Variants in CTIF observed in about 807,000 individuals in gnomAD.
CTIF encodes the protein CBP80/20-dependent translation initiation factor.
In CTIF, 21 loss-of-function variants were observed where a neutral mutation model predicts 66.0. The observed-to-expected ratio is 0.32, with a 90% CI of 0.23 to 0.46. The LOEUF (loss-of-function observed/expected upper bound fraction) is 0.46, where lower values mean the gene tolerates loss of function less well. CTIF is among the 20% of genes least tolerant of loss of function. The pLI, the probability that CTIF is intolerant of heterozygous loss-of-function variation, is 1.00. For synonymous variants in CTIF, 345 were observed against 326.4 expected, an observed-to-expected ratio of 1.06 and a Z score of -0.62; for missense variants, 739 against 812.7, an observed-to-expected ratio of 0.91 and a Z score of 1.10.
At chr18:48,561,119 A>T (rs1423780838) in intron 1 of CTIF, among the ~76,000 whole-genome samples, 1 of 151,518 alleles carries the variant, frequency 6.6e-6, no homozygotes, top group Non-Finnish European at 1.5e-5. Context: ...CATGCTAGTA[A>T]TCCCAGCTAC....
At chr18:48,846,405 C>T (rs1412189422) in intron 10 of CTIF, among the ~76,000 whole-genome samples, 1 of 152,148 alleles carries the variant, frequency 6.6e-6, no homozygotes, top group African/African-American at 2.4e-5. Flanking sequence ...ACTTACGTAG[C>T]ATTTAACACA....
At chr18:48,854,283 C>CT (rs1004880892) in intron 10 of CTIF, among the ~76,000 whole-genome samples, 173 of 152,226 alleles carry the variant, frequency 1.1e-3, no homozygotes, top group African/African-American at 4.0e-3. Context: ...CGAGGAACAG[C>CT]TGGGAAGTGA....
intron 6 of CTIF, among the ~76,000 whole-genome samples, chr18:48,706,785 G>A (rs1175233485): frequency 2.6e-5 from 4 of 152,176 alleles, no homozygotes; most frequent in South Asian, 2.1e-4. Context: ...GTATGTGCAC[G>A]TGTGTGTTCC....
chr18:48,847,676 T>C (rs1332747515), intron 10 of CTIF, among the ~76,000 whole-genome samples: 1 of 152,224 alleles, frequency 6.6e-6, no homozygotes, highest in Non-Finnish European at 1.5e-5. Flanking sequence ...TTTGCACTTA[T>C]CAAAGCTCTT....
In CTIF at chr18:48,859,817, G is replaced by A. The variant is rs2146693976; in HGVS notation, c.*258G>A. On this transcript the variant is annotated 3_prime_UTR_variant, in exon 12 of 12. Coordinates refer to ENST00000256413, the MANE Select transcript of CTIF (RefSeq NM_014772.3). ...CATGTTTCTTTTTCCTGGTGGCCCT[G>A]GCCCTCCCCTTCCTCACTCCCGCCT... The A allele has an allele frequency of 1.5e-6, 1 of 647,650 alleles. No homozygotes were observed. Among genetic ancestry groups the A allele is most frequent in the South Asian group, 1.5e-5 (1 of 66,280 alleles). 40.1% of individuals were successfully genotyped at this position (647,650 alleles called of 1,614,324 possible).
At chr18:48,730,041 G>A (rs1268718490) in intron 7 of CTIF, among the ~76,000 whole-genome samples, 1 of 152,218 alleles carries the variant, frequency 6.6e-6, no homozygotes, top group Non-Finnish European at 1.5e-5. Flanking sequence ...GTCCACAGCT[G>A]TGCTGCCCAG....
At chr18:48,800,177 C>A (rs996678459) in intron 9 of CTIF, among the ~76,000 whole-genome samples, 5 of 152,198 alleles carry the variant, frequency 3.3e-5, no homozygotes, top group African/African-American at 7.2e-5. Flanking sequence ...TTTTCTTCCC[C>A]ACTCTACCAG....
intron 3 of CTIF, among the ~76,000 whole-genome samples, chr18:48,648,601 A>G (rs1477364571): frequency 1.3e-5 from 2 of 151,870 alleles, no homozygotes. Context: ...CTCTCTGAGA[A>G]GATTCAACCA....
chr18:48,625,035 A>C (rs1174584718), intron 2 of CTIF, among the ~76,000 whole-genome samples: 2 of 152,132 alleles, frequency 1.3e-5, no homozygotes, highest in African/African-American at 4.8e-5. Context: ...GATCGGCTCA[A>C]TGGCTTTTCC....
chr18:48,651,245 G>A (rs995222701), intron 3 of CTIF, among the ~76,000 whole-genome samples: 1 of 152,180 alleles, frequency 6.6e-6, no homozygotes, highest in African/African-American at 2.4e-5. Flanking sequence ...GTATTCAGGA[G>A]ACCCATCTCA....
At chr18:48,724,685 T>G (rs2092370870) in intron 7 of CTIF, among the ~76,000 whole-genome samples, 1 of 152,188 alleles carries the variant, frequency 6.6e-6, no homozygotes, top group Admixed American at 6.5e-5. Flanking sequence ...GTGTGTGAGC[T>G]CCTGGGCTCA....
chr18:48,614,751 A>G (rs1309225343), intron 1 of CTIF, among the ~76,000 whole-genome samples: 1 of 152,202 alleles, frequency 6.6e-6, no homozygotes, highest in Non-Finnish European at 1.5e-5. Context: ...AAGTTCTGGA[A>G]ATAGATAGTG....
At chr18:48,565,550 T>C (rs2089261524) in intron 1 of CTIF, 1 of 152,108 alleles carries the variant, frequency 6.6e-6, no homozygotes, top group Non-Finnish European at 1.5e-5. Context: ...ACCCTCCATC[T>C]TATGTTCTTT....
intron 9 of CTIF, among the ~76,000 whole-genome samples, chr18:48,783,111 A>C (rs1397937862): frequency 6.6e-6 from 1 of 152,160 alleles, no homozygotes; most frequent in East Asian, 1.9e-4. Flanking sequence ...TATCTGGGAA[A>C]GGCTGATGTC....
intron 9 of CTIF, among the ~76,000 whole-genome samples, chr18:48,779,964 A>G (rs1427527955): frequency 6.6e-6 from 1 of 152,186 alleles, no homozygotes; most frequent in Non-Finnish European, 1.5e-5. Flanking sequence ...CACCATCTGC[A>G]TGCAGCCCCG....
intron 1 of CTIF, among the ~76,000 whole-genome samples, chr18:48,615,435 G>A (rs933906509): frequency 3.9e-5 from 6 of 152,220 alleles, no homozygotes; most frequent in African/African-American, 1.4e-4. Flanking sequence ...CCCCGCTGCG[G>A]AACAGGGAAG....
At chr18:48,692,308 AAAACAAAAAC>A (rs1302212535) in intron 6 of CTIF, among the ~76,000 whole-genome samples, 1 of 136,462 alleles carries the variant, frequency 7.3e-6, no homozygotes, top group East Asian at 1.9e-4. Flanking sequence ...CAAAAAAACA[AAAACAAAAAC>A]AAAACAAAAA....
intron 7 of CTIF, among the ~76,000 whole-genome samples, chr18:48,712,901 C>T (rs547452526): frequency 3.9e-5 from 6 of 152,348 alleles, no homozygotes; most frequent in African/African-American, 1.4e-4. Context: ...AACACATTCA[C>T]AGAGGATGGC....
intron 1 of CTIF, among the ~76,000 whole-genome samples, chr18:48,594,205 C>T (rs2089947623): frequency 6.6e-6 from 1 of 152,134 alleles, no homozygotes; most frequent in Non-Finnish European, 1.5e-5. Context: ...GCTTCCTGAG[C>T]CTGCACCCCA....
Sources: allele counts gnomAD v4.1 joint callset (sites outside exome capture counted in the v4.1 genomes callset), GRCh38; gene constraint gnomAD v4.1.1; transcripts MANE v1.5; gene names NCBI Gene and HGNC (gene_info 2026-07-23, HGNC 2026-07-21).